The following PLEKHG5 variants were observed in gnomAD, a reference collection of about 807,000 sequenced individuals.
The protein encoded by PLEKHG5 is pleckstrin homology and RhoGEF domain containing G5.
PLEKHG5 carries 52 observed loss-of-function variants against 103.8 expected under a neutral mutation model. The observed-to-expected ratio is 0.50, with a 90% CI of 0.40 to 0.63. The LOEUF (loss-of-function observed/expected upper bound fraction) is 0.63. Ranked by LOEUF, PLEKHG5 falls within the 30% of genes least tolerant of loss-of-function variation. The probability of loss-of-function intolerance (pLI) is 0.00; values close to 1 mark genes in which losing one functional copy is unlikely to be tolerated. For synonymous variants in PLEKHG5, 592 were observed against 575.5 expected, an observed-to-expected ratio of 1.03 and a Z score of -0.41; for missense variants, 1,205 against 1,347.6, an observed-to-expected ratio of 0.89 and a Z score of 1.66.
intron 1 of PLEKHG5, among the ~76,000 whole-genome samples, chr1:6,517,321 A>G (rs1638653741): frequency 6.6e-6 from 1 of 151,648 alleles, no homozygotes; most frequent in Non-Finnish European, 1.5e-5. Context: ...AAAAAAAAAA[A>G]AAAAGATACA....
At chr1:6,475,397 CCAGGCTCGGGGAAGGGCG>C (rs1163048879) in intron 4 of PLEKHG5, 47 bp downstream of exon 4, 1 of 1,426,906 alleles carries the variant, frequency 7.0e-7, no homozygotes, top group Non-Finnish European at 9.9e-7. Flanking sequence ...GGAGGAAGGC[CCAGGCTCGGGGAAGGGCG>C]CAGGCTGTAG....
upstream of PLEKHG5, chr1:6,496,999 G>A: frequency 6.5e-7 from 1 of 1,527,472 alleles, no homozygotes; most frequent in East Asian, 2.5e-5. Context: ...AGCCCCCGAA[G>A]GTCTGGGGCG....
At chr1:6,519,886 G>A in exon 1 of PLEKHG5, 1 of 348,082 alleles carries the variant, frequency 2.9e-6, no homozygotes, top group South Asian at 2.6e-5. Flanking sequence ...ACTGCTGGCT[G>A]CCCTGGAGGT....
At chr1:6,502,059 C>G (rs141177151) in intron 1 of PLEKHG5, among the ~76,000 whole-genome samples, 315 of 152,394 alleles carry the variant, frequency 2.1e-3, no homozygotes, top group Admixed American at 2.6e-3. Flanking sequence ...CCCTCCTGGG[C>G]GCCGGTCCAT....
chr1:6,502,768 C>T (rs11121973), intron 1 of PLEKHG5, among the ~76,000 whole-genome samples: 2 of 152,238 alleles, frequency 1.3e-5, no homozygotes, highest in Non-Finnish European at 2.9e-5. Flanking sequence ...CCTGCATGGG[C>T]CCCGGCCAGG....
Position 6,468,569 on chromosome 1 carries a change from G to A in PLEKHG5, c.2267C>T (p.Thr756Met), listed in dbSNP as rs781778550. 9.3e-6 allele frequency: 15 copies of A among 1,612,888 alleles called. No homozygotes were observed. In the East Asian group the frequency reaches 2.0e-4, roughly 22 times the overall value. The change falls in exon 20 of 21, where the codon ACG (threonine) becomes ATG (methionine). Residue 756 changes from threonine to methionine, a missense_variant. Physicochemically the swap from Thr to Met is moderately conservative, Grantham distance 81 (BLOSUM62 -1). Transcript: ENST00000377728. ...DSQHCASDGS[T>M]ETLAMVVVEP... The stretch of plus-strand genomic sequence containing the variant: ...TACCACAACCATGGCCAGGGTCTCC[G>A]TGGAGCCATCTGAGGCACTGTGGGG...
upstream of PLEKHG5, among the ~76,000 whole-genome samples, chr1:6,496,111 C>T (rs1172226301): frequency 6.6e-6 from 1 of 152,226 alleles, no homozygotes; most frequent in Non-Finnish European, 1.5e-5. Context: ...CTGAGTTCAA[C>T]AGGAAGGGTG....
chr1:6,473,976 T>TGA, intron 7 of PLEKHG5, 37 bp downstream of exon 7: 6 of 1,265,550 alleles, frequency 4.7e-6, no homozygotes, highest in East Asian at 5.3e-5. Context: ...CTGGGCCCCT[T>TGA]CCCACCCCCT....
intron 16 of PLEKHG5, 72 bp from the exon 17 acceptor site, chr1:6,469,748 C>T: frequency 1.3e-6 from 2 of 1,497,960 alleles, no homozygotes; most frequent in South Asian, 1.2e-5. Flanking sequence ...CACCAGCCTC[C>T]CCTGGGAGCA....
In PLEKHG5 at chr1:6,470,427, G is replaced by A; in HGVS notation, c.1681-72C>T. ...CATCTCAGCTAGGCATCCTCAGTGA[G>A]ATGCCCAGCACAGCCCCTGCCTGCC... On this transcript the variant is annotated intron_variant, in intron 15 of 20. Coordinates refer to ENST00000377728, the MANE Select transcript of PLEKHG5 (RefSeq NM_020631.6). 5 of 1,612,486 alleles carry A rather than the reference G, an allele frequency of 3.1e-6. No homozygotes were observed. In the South Asian group the frequency reaches 3.3e-5, roughly 11 times the overall value.
chr1:6,489,052 G>T (rs1645094639), intron 1 of PLEKHG5, among the ~76,000 whole-genome samples: 1 of 152,162 alleles, frequency 6.6e-6, no homozygotes, highest in African/African-American at 2.4e-5. Flanking sequence ...AAGGACGCAG[G>T]TCTGGGGCCA....
upstream of PLEKHG5, among the ~76,000 whole-genome samples, chr1:6,495,072 G>A (rs1260259062): frequency 1.3e-5 from 2 of 152,228 alleles, no homozygotes; most frequent in East Asian, 1.9e-4. Context: ...GCCCAGAGGA[G>A]GGGCTGGGAC....
chr1:6,482,997 C>T (rs769110419), intron 1 of PLEKHG5, among the ~76,000 whole-genome samples: 4 of 152,244 alleles, frequency 2.6e-5, no homozygotes, highest in Non-Finnish European at 2.9e-5. Flanking sequence ...GCGTGAGCCA[C>T]GGCACCCAGA....
chr1:6,476,115 A>G (rs1644760286), intron 2 of PLEKHG5, 79 bp from the exon 3 acceptor site: 1 of 1,216,962 alleles, frequency 8.2e-7, no homozygotes, highest in Non-Finnish European at 1.2e-6. Context: ...GAGGGACCAC[A>G]GCCTGTTACC....
chr1:6,497,032 C>T, upstream of PLEKHG5: 1 of 1,516,386 alleles, frequency 6.6e-7, no homozygotes, highest in Non-Finnish European at 8.8e-7. This position sits in a 1 kb window ranked among gnomAD's most constrained non-coding sequence, Gnocchi z 6.1. Flanking sequence ...CAAGACTCAT[C>T]TTTGACCCTG....
intron 1 of PLEKHG5, among the ~76,000 whole-genome samples, chr1:6,508,635 C>T (rs550033000): frequency 1.3e-5 from 2 of 152,238 alleles, no homozygotes; most frequent in Non-Finnish European, 2.9e-5. Flanking sequence ...ACAAGACTGA[C>T]GAGCGATGCC....
intron 19 of PLEKHG5, among the ~76,000 whole-genome samples, 174 bp downstream of exon 19, chr1:6,468,868 C>G (rs1185804256): frequency 2.0e-5 from 3 of 152,298 alleles, no homozygotes; most frequent in Admixed American, 2.0e-4. Context: ...GCTGGCAGCA[C>G]ATGGAAAGGT....
In PLEKHG5 at chr1:6,491,519, A is replaced by T; in HGVS notation, c.-88+118T>A. On this transcript the variant is annotated intron_variant, in intron 1 of 20. Transcript: ENST00000377728. The surrounding 1 kb of genome is among the most constrained non-coding windows in gnomAD (Gnocchi z 4.1). Reference sequence around the variant, plus strand: ...ATAGCCCCACCACCTCTCTCCGGGGACCAGTCACTTCCAGAGATGGCCCAA... The same window carrying T: ...ATAGCCCCACCACCTCTCTCCGGGGTCCAGTCACTTCCAGAGATGGCCCAA... 3.3e-6 allele frequency: 1 copy of T among 299,466 alleles called. No individual in the cohort carries two copies. The highest frequency in any genetic ancestry group is 4.9e-6 in the Non-Finnish European group (1 of 203,724). 18.6% of individuals were successfully genotyped at this position (299,466 alleles called of 1,614,324 possible). A position where few individuals can be genotyped will look rare whatever the true frequency, so the allele number is the denominator to read the frequency against.
Position 6,469,137 on chromosome 1 carries a change from CTCCTCCTCCTCTTCCTCCTCCTGCTCA to C in PLEKHG5, c.2127_2153del (p.Asp709_Glu717del). ...TGTCCTCGCCTTCCTCCTCCTCCTCCTCCTCCTCCTCTTCCTCCTCCTGCTCATCCTCCTCCTCTTCCAGGCTCTGCA... is the reference window on the plus strand; with the variant it reads ...TGTCCTCGCCTTCCTCCTCCTCCTCCTCCTCCTCCTCTTCCAGGCTCTGCA... On this transcript the variant is annotated inframe_deletion, in exon 19 of 21. Transcript: ENST00000377728. The C allele has an allele frequency of 5.0e-6, 8 of 1,612,518 alleles. No individual in the cohort carries two copies. The highest frequency in any genetic ancestry group is 6.8e-6 in the Non-Finnish European group (8 of 1,179,498).
Sources: gnomAD v4.1 joint callset for allele counts (sites outside exome capture counted in the v4.1 genomes callset) on GRCh38, gnomAD v4.1.1 for gene constraint, Gnocchi (gnomAD v3.1) non-coding constraint, MANE v1.5 for transcripts, NCBI Gene and HGNC (gene_info 2026-07-23, HGNC 2026-07-21) for gene names.